ZNF684: variants seen among roughly 807,000 people sequenced by gnomAD.
ZNF684 encodes the protein zinc finger protein 684, also known as hypothetical protein MGC27466.
ZNF684 carries 13 observed loss-of-function variants against 12.8 expected under a neutral mutation model. The observed-to-expected ratio is 1.02, with a 90% CI of 0.66 to 1.62. The LOEUF (loss-of-function observed/expected upper bound fraction) is 1.62, where lower values mean the gene tolerates loss of function less well. ZNF684 is among the 40% of genes most tolerant of loss of function. The pLI is 0.00. For missense variants in ZNF684, 384 were observed against 446.9 expected (o/e 0.86, Z 1.27); for synonymous variants, 118 against 151.8 (o/e 0.78, Z 1.64).
chr1:40,544,997 G>A (rs1646038826), intron 4 of ZNF684: 1 of 152,204 alleles, frequency 6.6e-6, no homozygotes, highest in Admixed American at 6.5e-5. Flanking sequence ...GAGGACTAGT[G>A]AAATGCATGC....
chr1:40,536,828 A>G (rs1292949854), intron 2 of ZNF684, among the ~76,000 whole-genome samples: 2 of 150,552 alleles, frequency 1.3e-5, no homozygotes, highest in Non-Finnish European at 3.0e-5. Flanking sequence ...CCATGTCCCT[A>G]CAAAGGACAT....
At chr1:40,540,549 T>C in intron 2 of ZNF684, 37 bp from the exon 3 acceptor site, 2 of 1,542,290 alleles carry the variant, frequency 1.3e-6, no homozygotes, top group Non-Finnish European at 1.8e-6. Flanking sequence ...TCGCTAGTGA[T>C]ACACACTTTA....
At chr1:40,540,321 C>T (rs925725393) in intron 2 of ZNF684, among the ~76,000 whole-genome samples, 3 of 152,086 alleles carry the variant, frequency 2.0e-5, no homozygotes, top group Non-Finnish European at 4.4e-5. Context: ...CATACTTTTG[C>T]ATGTGGATGT....
intron 2 of ZNF684, among the ~76,000 whole-genome samples, chr1:40,536,306 A>G (rs1241177090): frequency 4.0e-5 from 6 of 151,418 alleles, no homozygotes; most frequent in Non-Finnish European, 8.8e-5. Context: ...AGGCAGGAGA[A>G]TGGCATGAAC....
At chr1:40,544,315 T>C in intron 4 of ZNF684, 1 of 349,616 alleles carries the variant, frequency 2.9e-6, no homozygotes. Flanking sequence ...CCTGGTGGTT[T>C]AGTGGTTAGG....
rs187713921 is a variant in ZNF684 at position 40,547,847 on chromosome 1, C to T, written c.*387C>T. On this transcript the variant is annotated 3_prime_UTR_variant, in exon 5 of 5. Coordinates refer to ENST00000372699, the MANE Select transcript of ZNF684 (RefSeq NM_152373.4). ...GTTTCTGCAGTAAATAACATTTTTT[C>T]TTCCAGTCTCAACATACATAATTAA... The T allele has an allele frequency of 1.3e-5, 2 of 155,582 alleles. No individual in the cohort carries two copies. The highest frequency in any genetic ancestry group is 1.9e-4 in the East Asian group (1 of 5,260). The allele number at this position is 155,582 out of a possible 1,614,324, so 9.6% of individuals were successfully genotyped here.
Position 40,546,641 on chromosome 1 carries a change from ATTCAATAAAATT to A in ZNF684, c.319_330del (p.Phe107_Ile110del), listed in dbSNP as rs1432128230. 6.2e-7 allele frequency: 1 copy of A among 1,600,914 alleles called. No homozygotes were observed. The highest frequency in any genetic ancestry group is 1.1e-5 in the South Asian group (1 of 87,768). ...ATTTTTTGAAGTCAGTTTTGCTCAC[ATTCAATAAAATT>A]CTGACTATGGAGAGAATCCACCATT... On this transcript the variant is annotated inframe_deletion, in exon 5 of 5. Transcript: ENST00000372699.
At chr1:40,542,471 C>T (rs999676763) in intron 4 of ZNF684, among the ~76,000 whole-genome samples, 3 of 152,066 alleles carry the variant, frequency 2.0e-5, no homozygotes, top group Non-Finnish European at 4.4e-5. Flanking sequence ...TTTTTGTTGT[C>T]TTACTAATCT....
chr1:40,541,758 T>G, intron 4 of ZNF684, 48 bp downstream of exon 4: 1 of 1,503,480 alleles, frequency 6.7e-7, no homozygotes, highest in South Asian at 1.1e-5. Flanking sequence ...GAGATCCCCA[T>G]TGGTCAGTGA....
At chr1:40,538,360 A>G (rs1287233114) in intron 2 of ZNF684, among the ~76,000 whole-genome samples, 1 of 152,180 alleles carries the variant, frequency 6.6e-6, no homozygotes, top group African/African-American at 2.4e-5. Flanking sequence ...TTTTATTGCC[A>G]AATAATATTC....
chr1:40,543,403 T>A (rs1221207495), intron 4 of ZNF684, among the ~76,000 whole-genome samples: 2 of 151,954 alleles, frequency 1.3e-5, no homozygotes, highest in African/African-American at 4.8e-5. Flanking sequence ...GAATTATCCA[T>A]CTTTTTTTTA....
At chr1:40,541,758 T>C in intron 4 of ZNF684, 48 bp downstream of exon 4, 1 of 1,503,480 alleles carries the variant, frequency 6.7e-7, no homozygotes, top group East Asian at 2.3e-5. Context: ...GAGATCCCCA[T>C]TGGTCAGTGA....
chr1:40,539,196 A>AT (rs1170671814), intron 2 of ZNF684, among the ~76,000 whole-genome samples: 1 of 151,686 alleles, frequency 6.6e-6, no homozygotes, highest in Non-Finnish European at 1.5e-5. Flanking sequence ...CACCCGGCTG[A>AT]TTTTTTGTAT....
At position 40,546,976 on chromosome 1, in the gene ZNF684, A is replaced by G; in HGVS notation, c.653A>G (p.Asn218Ser). The G allele has an allele frequency of 1.9e-6, 3 of 1,614,142 alleles. No homozygotes were observed. The highest frequency in any genetic ancestry group is 3.3e-4 in the Middle Eastern group (2 of 6,062). The change falls in exon 5 of 5, where the codon AAT becomes AGT. Residue 218 changes from asparagine (N) to serine (S), a missense_variant. By Grantham distance (46) the Asn-to-Ser change is conservative. Coordinates refer to ENST00000372699, the MANE Select transcript of ZNF684 (RefSeq NM_152373.4). The part of the protein sequence containing the change: ...IHNGERPFVC[N>S]DCGKAFMHKA... ...AATGGAGAGAGACCCTTTGTGTGCAATGATTGTGGGAAGGCGTTTATGCAT... is the reference window on the plus strand; with the variant it reads ...AATGGAGAGAGACCCTTTGTGTGCAGTGATTGTGGGAAGGCGTTTATGCAT...
intron 4 of ZNF684, among the ~76,000 whole-genome samples, chr1:40,542,930 A>G (rs963271905): frequency 5.3e-5 from 8 of 152,240 alleles, no homozygotes; most frequent in Admixed American, 1.3e-4. Flanking sequence ...AATGATTGAC[A>G]TATCTTTCAA....
chr1:40,540,548 A>ATAC, intron 2 of ZNF684, 38 bp from the exon 3 acceptor site: 1 of 1,540,906 alleles, frequency 6.5e-7, no homozygotes, highest in Admixed American at 2.0e-5. Flanking sequence ...TTCGCTAGTG[A>ATAC]TACACACTTT....
At chr1:40,546,480 T>C in intron 4 of ZNF684, 82 bp from the exon 5 acceptor site, 1 of 1,311,726 alleles carries the variant, frequency 7.6e-7, no homozygotes, top group Non-Finnish European at 1.0e-6. Flanking sequence ...TGAGATACTG[T>C]ATTTGAAATT....
intron 4 of ZNF684, among the ~76,000 whole-genome samples, chr1:40,542,341 T>G (rs547826614): frequency 8.5e-5 from 13 of 152,322 alleles, no homozygotes; most frequent in Non-Finnish European, 1.8e-4. Context: ...TTATTCCTTT[T>G]CTTGCATCAT....
At chr1:40,544,255 T>C in intron 4 of ZNF684, 1 of 207,006 alleles carries the variant, frequency 4.8e-6, no homozygotes, top group South Asian at 5.2e-5. Flanking sequence ...ATTTTCTAAC[T>C]TATGAAAGGT....
Sources: allele counts gnomAD v4.1 joint callset (sites outside exome capture counted in the v4.1 genomes callset), GRCh38; gene constraint gnomAD v4.1.1; transcripts MANE v1.5; gene names NCBI Gene and HGNC (gene_info 2026-07-23, HGNC 2026-07-21).